ZCCHC7: variants seen among roughly 807,000 people sequenced by gnomAD.
ZCCHC7 encodes zinc finger CCHC-type containing 7, also known as zinc finger CCHC domain-containing protein 7.
In ZCCHC7, 35 loss-of-function variants were observed where a neutral mutation model predicts 52.0. That is an observed-to-expected ratio of 0.67 (90% CI 0.51 to 0.89). The LOEUF is 0.89. Among genes scored for constraint, ZCCHC7 ranks in the 40% least tolerant of loss-of-function variants. The pLI is 0.00. For synonymous variants in ZCCHC7, 217 were observed against 221.5 expected, an observed-to-expected ratio of 0.98 and a Z score of 0.18; for missense variants, 574 against 649.1, an observed-to-expected ratio of 0.88 and a Z score of 1.26.
At chr9:37,159,434 G>C (rs1363157875) in intron 2 of ZCCHC7, among the ~76,000 whole-genome samples, 2 of 152,092 alleles carry the variant, frequency 1.3e-5, no homozygotes, top group South Asian at 4.1e-4. Context: ...TGGTAGAAAT[G>C]TTAATTTTAT....
chr9:37,211,763 T>G (rs1824228530), intron 2 of ZCCHC7, among the ~76,000 whole-genome samples: 1 of 152,114 alleles, frequency 6.6e-6, no homozygotes, highest in Non-Finnish European at 1.5e-5. Context: ...GCGCGGTGGC[T>G]CACGCCTGTA....
upstream of ZCCHC7, chr9:37,120,509 C>T: frequency 2.5e-6 from 1 of 399,052 alleles, no homozygotes; most frequent in Non-Finnish European, 4.4e-6. Flanking sequence ...CCCGGAAGTG[C>T]CTTCCCTCCC....
rs117342712 is a variant in ZCCHC7, at chr9:37,265,392, T to G, written c.611-36796T>G. ...CCTAGGATCAGCGAATTGGAGACAC[T>G]GTCAGAGATCACGAAAGAAAGTTCG... On this transcript the variant is annotated intron_variant, in intron 2 of 8. Coordinates refer to ENST00000336755, the MANE Select transcript of ZCCHC7 (RefSeq NM_032226.3). Among the ~76,000 whole-genome samples, 21 of 152,332 alleles carry G rather than the reference T, an allele frequency of 1.4e-4. No individual in the cohort carries two copies. The East Asian group carries it at 3.3e-3, about 24-fold the overall frequency.
intron 2 of ZCCHC7, among the ~76,000 whole-genome samples, chr9:37,150,629 C>T (rs1054939159): frequency 1.3e-5 from 2 of 152,146 alleles, no homozygotes; most frequent in African/African-American, 2.4e-5. Flanking sequence ...ACCCAGAAGG[C>T]ATTGCATCAC....
chr9:37,278,287 T>C (rs1827788256), intron 2 of ZCCHC7, among the ~76,000 whole-genome samples: 1 of 152,042 alleles, frequency 6.6e-6, no homozygotes, highest in Non-Finnish European at 1.5e-5. Flanking sequence ...TGGCATACAA[T>C]AAAATAAATA....
At chr9:37,194,908 A>G (rs2133123227) in intron 2 of ZCCHC7, among the ~76,000 whole-genome samples, 1 of 151,734 alleles carries the variant, frequency 6.6e-6, no homozygotes, top group East Asian at 1.9e-4. Context: ...AGGTGGGTAT[A>G]GCAGAACAAG....
At chr9:37,219,005 A>G (rs1824671553) in intron 2 of ZCCHC7, among the ~76,000 whole-genome samples, 1 of 146,252 alleles carries the variant, frequency 6.8e-6, no homozygotes, top group Non-Finnish European at 1.5e-5. Flanking sequence ...CGGAGGTTGC[A>G]GTGAGCCAAG....
At chr9:37,159,096 A>T (rs1273486445) in intron 2 of ZCCHC7, among the ~76,000 whole-genome samples, 2 of 152,208 alleles carry the variant, frequency 1.3e-5, no homozygotes, top group Non-Finnish European at 2.9e-5. Flanking sequence ...TGCTGTTCAC[A>T]TTTGTTCATA....
chr9:37,136,288 GAT>G (rs1285059124), intron 2 of ZCCHC7, among the ~76,000 whole-genome samples: 2 of 152,284 alleles, frequency 1.3e-5, no homozygotes, highest in East Asian at 3.9e-4. Flanking sequence ...AGAAAAATGA[GAT>G]ATTGGGTAGG....
At chr9:37,323,097 T>C (rs1830115525) in intron 5 of ZCCHC7, among the ~76,000 whole-genome samples, 1 of 152,214 alleles carries the variant, frequency 6.6e-6, no homozygotes, top group African/African-American at 2.4e-5. Context: ...CACAGAGATA[T>C]ATAACTTGCC....
intron 5 of ZCCHC7, among the ~76,000 whole-genome samples, chr9:37,310,817 C>G (rs1433524302): frequency 6.6e-6 from 1 of 151,056 alleles, no homozygotes. Flanking sequence ...ATTAGCCAGG[C>G]AGGGTGGCAC....
At chr9:37,169,812 A>C (rs1821630562) in intron 2 of ZCCHC7, among the ~76,000 whole-genome samples, 1 of 152,188 alleles carries the variant, frequency 6.6e-6, no homozygotes. Context: ...CTGCAGTCCC[A>C]CCCAGCACAT....
At chr9:37,280,226 A>T (rs553091512) in intron 2 of ZCCHC7, among the ~76,000 whole-genome samples, 1 of 152,196 alleles carries the variant, frequency 6.6e-6, no homozygotes, top group African/African-American at 2.4e-5. Context: ...ATAGATAAAA[A>T]CAAAATTTGA....
chr9:37,121,734 T>C (rs527758747), intron 1 of ZCCHC7: 1 of 152,288 alleles, frequency 6.6e-6, no homozygotes, highest in African/African-American at 2.4e-5. Context: ...TGTTTCCGGA[T>C]AGGATTAGTT....
chr9:37,237,672 T>C (rs1360604446), intron 2 of ZCCHC7, among the ~76,000 whole-genome samples: 4 of 152,230 alleles, frequency 2.6e-5, no homozygotes, highest in African/African-American at 4.8e-5. Context: ...AAATAAGGCA[T>C]AGTTCTTGTC....
rs577626638 is a variant in ZCCHC7 at position 37,305,635 on chromosome 9, T to A, written c.872T>A (p.Met291Lys). 6 of 1,614,186 alleles carry A rather than the reference T, an allele frequency of 3.7e-6. No homozygotes were observed. Among genetic ancestry groups the A allele is most frequent in the Non-Finnish European group, 5.1e-6 (6 of 1,180,022 alleles). ...TGCGAATACTGTCCTGTGCCTAAGA[T>A]GTTGGACCACTCATGTCTTTTCAGA... is the stretch of plus-strand genomic sequence containing the variant. The part of the protein sequence containing the change: ...PLCEYCPVPK[M>K]LDHSCLFRHS... Residue 291 changes from methionine to lysine, a missense_variant, in exon 5 of 9, where the codon ATG becomes AAG. By Grantham distance (95) the Met-to-Lys change is moderately conservative (BLOSUM62 -1). This residue lies in a region of ZCCHC7 where 403 missense variants were observed against 461.2 expected (regional missense o/e 0.87). Coordinates refer to ENST00000336755, the MANE Select transcript of ZCCHC7 (RefSeq NM_032226.3).
At chr9:37,313,926 G>A (rs1188182495) in intron 5 of ZCCHC7, among the ~76,000 whole-genome samples, 1 of 152,316 alleles carries the variant, frequency 6.6e-6, no homozygotes, top group South Asian at 2.1e-4. Flanking sequence ...GACTAATACA[G>A]TGTATAACTT....
At chr9:37,190,337 ATTCT>A (rs1211014827) in intron 2 of ZCCHC7, among the ~76,000 whole-genome samples, 11 of 151,944 alleles carry the variant, frequency 7.2e-5, no homozygotes, top group South Asian at 4.2e-4. Flanking sequence ...GTATTAGGAG[ATTCT>A]GTTCCTGCTC....
chr9:37,300,586 TA>T (rs1348779009), intron 2 of ZCCHC7, among the ~76,000 whole-genome samples: 1 of 152,246 alleles, frequency 6.6e-6, no homozygotes, highest in Non-Finnish European at 1.5e-5. Flanking sequence ...AAAAGTTTTT[TA>T]TTTAAAAATA....
Sources: gnomAD v4.1 joint callset for allele counts (sites outside exome capture counted in the v4.1 genomes callset) on GRCh38, gnomAD v4.1.1 for gene constraint, gnomAD v4.1.1 regional missense constraint, MANE v1.5 for transcripts, NCBI Gene and HGNC (gene_info 2026-07-23, HGNC 2026-07-21) for gene names.